CACNA1C: variants seen among roughly 807,000 people sequenced by gnomAD.
The protein encoded by CACNA1C is voltage-dependent L-type calcium channel subunit alpha-1C.
A neutral mutation model predicts 229.0 loss-of-function variants in CACNA1C; 30 were observed. That is an observed-to-expected ratio of 0.13 (90% CI 0.10 to 0.18). CACNA1C has a LOEUF of 0.18. CACNA1C is among the 10% of genes least tolerant of loss of function. The probability of loss-of-function intolerance (pLI) is 1.00; values close to 1 mark genes in which losing one functional copy is unlikely to be tolerated. For synonymous variants in CACNA1C, 1,114 were observed against 1,132.5 expected (o/e 0.98, Z 0.33); for missense variants, 1,658 against 2,845.0 (o/e 0.58, Z 9.49).
Position 2,488,411 on chromosome 12 carries a change from G to A in CACNA1C, c.916+2149G>A, listed in dbSNP as rs1009706771. On this transcript the variant is annotated intron_variant, in intron 6 of 46. Coordinates refer to ENST00000399655, the MANE Select transcript of CACNA1C (RefSeq NM_000719.7). This position sits in a 1 kb window ranked among gnomAD's most constrained non-coding sequence, Gnocchi z 4.0. ...GAAGGCCATAGCCGTAGGGCCCAGT[G>A]AAGAGGTCGCCCCAACGCCCCAAGT... Among the ~76,000 whole-genome samples, 1 of 152,196 alleles carries A rather than the reference G, an allele frequency of 6.6e-6. No individual in the cohort carries two copies. Among genetic ancestry groups the A allele is most frequent in the Non-Finnish European group, 1.5e-5 (1 of 68,018 alleles).
intron 18 of CACNA1C, among the ~76,000 whole-genome samples, chr12:2,592,101 G>A (rs1183369340): frequency 5.3e-5 from 8 of 152,198 alleles, no homozygotes; most frequent in Non-Finnish European, 1.2e-4. Flanking sequence ...GAGTTTGCGG[G>A]GGAAACTGTT....
rs190897576 is a variant in CACNA1C at position 2,654,423 on chromosome 12, C to T, written c.4140+523C>T. On this transcript the variant is annotated intron_variant, in intron 33 of 46. Coordinates refer to ENST00000399655, the MANE Select transcript of CACNA1C (RefSeq NM_000719.7). This position sits in a 1 kb window ranked among gnomAD's most constrained non-coding sequence, Gnocchi z 4.4. ...AATGTGCAGCAGTTTTCTGGGGCCT[C>T]CCCTCCCAGGTGCCCACTGCACCAT... 7.2e-5 allele frequency among the ~76,000 whole-genome samples: 11 copies of T among 152,298 alleles called. No homozygotes were observed. The highest frequency in any genetic ancestry group is 2.6e-4 in the African/African-American group (11 of 41,574).
At chr12:2,249,019 C>T (rs1000995626) in intron 3 of CACNA1C, among the ~76,000 whole-genome samples, 5 of 152,178 alleles carry the variant, frequency 3.3e-5, no homozygotes, top group African/African-American at 1.2e-4. Context: ...TGACTGGCAC[C>T]TCAGTTTGAT....
intron 30 of CACNA1C, among the ~76,000 whole-genome samples, chr12:2,643,589 G>A (rs1484856513): frequency 6.6e-6 from 1 of 152,042 alleles, no homozygotes; most frequent in Non-Finnish European, 1.5e-5. Context: ...TTTGCCTTTG[G>A]CCTCCTTAAA....
rs987551543 is a variant in CACNA1C, at chr12:2,346,782, T to C, written c.478-102194T>C. Among the ~76,000 whole-genome samples the C allele has an allele frequency of 3.3e-5, 5 of 152,202 alleles. No homozygotes were observed. The highest frequency in any genetic ancestry group is 7.3e-5 in the Non-Finnish European group (5 of 68,044). ...AAAACTTGATTTTGCATCCAGCTCA[T>C]GATAAGCATATAGCAGCATATACAC... On this transcript the variant is annotated intron_variant, in intron 3 of 46. Transcript: ENST00000399655. The surrounding 1 kb of genome is among the most constrained non-coding windows in gnomAD (Gnocchi z 4.4).
intron 4 of CACNA1C, among the ~76,000 whole-genome samples, chr12:2,456,819 G>A (rs996104859): frequency 3.3e-5 from 5 of 152,184 alleles, no homozygotes; most frequent in Admixed American, 3.3e-4. Flanking sequence ...TCAGTTTATT[G>A]TCTGTCTCCC....
At chr12:2,434,450 G>C (rs2099115193) in intron 3 of CACNA1C, among the ~76,000 whole-genome samples, 1 of 152,160 alleles carries the variant, frequency 6.6e-6, no homozygotes, top group South Asian at 2.1e-4. Context: ...CAAAGAAATG[G>C]AGACACAGGA....
At chr12:2,428,639 A>G (rs1055080712) in intron 3 of CACNA1C, among the ~76,000 whole-genome samples, 7 of 152,152 alleles carry the variant, frequency 4.6e-5, no homozygotes, top group Non-Finnish European at 8.8e-5. Flanking sequence ...TCTCCCTGCT[A>G]CCTACTTATC....
intron 3 of CACNA1C, among the ~76,000 whole-genome samples, chr12:2,446,199 G>GTGGATGGATGGATGGGTGGGTGGA: frequency 7.3e-6 from 1 of 137,018 alleles, no homozygotes. Context: ...AGGTGGGTGG[G>GTGGATGGATGGATGGGTGGGTGGA]TGGATGGATG....
Position 2,595,460 on chromosome 12 carries a change from C to T in CACNA1C, c.2664-414C>T, listed in dbSNP as rs1000284850. Among the ~76,000 whole-genome samples the T allele has an allele frequency of 2.0e-5, 3 of 152,256 alleles. No homozygotes were observed. The East Asian group carries it at 5.8e-4, about 29-fold the overall frequency. On this transcript the variant is annotated intron_variant, in intron 19 of 46. Coordinates refer to ENST00000399655, the MANE Select transcript of CACNA1C (RefSeq NM_000719.7). The surrounding 1 kb of genome is among the most constrained non-coding windows in gnomAD (Gnocchi z 4.1). ...CTATTACACAGGAGCAGATCACCTA[C>T]AGAGAGCCGGTTTGGCTGGCCTCTC...
At chr12:2,436,683 T>C (rs2099137994) in intron 3 of CACNA1C, among the ~76,000 whole-genome samples, 1 of 152,210 alleles carries the variant, frequency 6.6e-6, no homozygotes, top group Admixed American at 6.5e-5. Flanking sequence ...CCCAAATGGC[T>C]GATAAGGGGT....
At chr12:2,200,109 A>G (rs891043213) in intron 3 of CACNA1C, among the ~76,000 whole-genome samples, 2 of 152,164 alleles carry the variant, frequency 1.3e-5, no homozygotes, top group Non-Finnish European at 2.9e-5. Context: ...CACTCGACAA[A>G]AATTTATTAT....
At chr12:2,105,639 G>A (rs1226930848) in intron 1 of CACNA1C, among the ~76,000 whole-genome samples, 182 of 91,540 alleles carry the variant, frequency 2.0e-3, no homozygotes, top group African/African-American at 6.3e-3. Context: ...CCCACCCCGG[G>A]GAGGGTTTCC....
At chr12:2,472,131 C>A (rs1345424071) in intron 5 of CACNA1C, among the ~76,000 whole-genome samples, 2 of 152,150 alleles carry the variant, frequency 1.3e-5, no homozygotes, top group Non-Finnish European at 2.9e-5. Context: ...CTGAGCTTCT[C>A]AGATACACTC....
intron 3 of CACNA1C, among the ~76,000 whole-genome samples, chr12:2,443,694 A>G (rs1379002166): frequency 6.6e-6 from 1 of 152,204 alleles, no homozygotes; most frequent in African/African-American, 2.4e-5. Flanking sequence ...AGGCATGAAG[A>G]GGGCCACGGA....
chr12:2,512,977 C>T lies in CACNA1C; in HGVS notation c.1383C>T (p.Pro461=), dbSNP rs2099788030. 4 of 1,601,254 alleles carry T rather than the reference C, an allele frequency of 2.5e-6. No homozygotes were observed. The highest frequency in any genetic ancestry group is 1.3e-5 in the African/African-American group (1 of 74,708). ...ACGAAGGCATGGATGAGGAGAAGCCCCGAAACAGTGAGCAGCCGTCTTCTT... is the reference window on the plus strand; with the variant it reads ...ACGAAGGCATGGATGAGGAGAAGCCTCGAAACAGTGAGCAGCCGTCTTCTT... ...NEDEGMDEEK[P]RNMSMPTSET... is the part of the protein sequence containing the mutation. The change falls in exon 9 of 47, where the codon CCC becomes CCT. Residue 461 remains proline (P), a synonymous_variant. Transcript: ENST00000399655. This position sits in a 1 kb window ranked among gnomAD's most constrained non-coding sequence, Gnocchi z 4.3.
intron 3 of CACNA1C, among the ~76,000 whole-genome samples, chr12:2,190,293 G>T (rs1336710507): frequency 6.6e-6 from 1 of 152,106 alleles, no homozygotes; most frequent in Admixed American, 6.5e-5. Flanking sequence ...AAAATTCCTT[G>T]CCAGCCAGCG....
At chr12:2,562,897 T>G (rs142537221) in intron 11 of CACNA1C, among the ~76,000 whole-genome samples, 2 of 152,346 alleles carry the variant, frequency 1.3e-5, no homozygotes, top group African/African-American at 2.4e-5. Flanking sequence ...AATTCCAGTC[T>G]TTTAGTTTAT....
chr12:2,561,222 G>A (rs1348731847), intron 11 of CACNA1C, among the ~76,000 whole-genome samples: 2 of 152,190 alleles, frequency 1.3e-5, no homozygotes, highest in Middle Eastern at 3.2e-3. Flanking sequence ...CGGAGAGGCA[G>A]GAACCATACA....
Sources: gnomAD v4.1 joint callset for allele counts (sites outside exome capture counted in the v4.1 genomes callset) on GRCh38, gnomAD v4.1.1 for gene constraint, Gnocchi (gnomAD v3.1) non-coding constraint, MANE v1.5 for transcripts, NCBI Gene and HGNC (gene_info 2026-07-23, HGNC 2026-07-21) for gene names.